The following RHBDD1 variants were observed in gnomAD, a reference collection of about 807,000 sequenced individuals.
The protein encoded by RHBDD1 is rhomboid domain containing 1, also known as rhomboid-related protein 4.
A neutral mutation model predicts 36.3 loss-of-function variants in RHBDD1; 38 were observed. That is an observed-to-expected ratio of 1.05 (90% confidence interval 0.81 to 1.37). RHBDD1 has a LOEUF of 1.37. RHBDD1 is among the 40% of genes most tolerant of loss of function. The pLI is 0.00. For missense variants in RHBDD1, 393 were observed against 377.6 expected (o/e 1.04, Z -0.34); for synonymous variants, 151 against 136.5 (o/e 1.11, Z -0.74).
intron 3 of RHBDD1, among the ~76,000 whole-genome samples, chr2:226,849,401 G>A (rs1288291003): frequency 1.3e-5 from 2 of 152,262 alleles, no homozygotes; most frequent in Non-Finnish European, 2.9e-5. Flanking sequence ...CATGGGCAGG[G>A]AGCTTGTCAG....
At chr2:226,851,226 C>G (rs1942783125) in intron 3 of RHBDD1, among the ~76,000 whole-genome samples, 1 of 152,022 alleles carries the variant, frequency 6.6e-6, no homozygotes, top group African/African-American at 2.4e-5. Context: ...CCATTTCTCT[C>G]TGTGTGTTTC....
At position 226,997,381 on chromosome 2, in the gene RHBDD1, A is replaced by G. The variant is rs954301363; in HGVS notation, c.*1859A>G. The G allele has an allele frequency of 2.6e-5, 4 of 152,224 alleles. No homozygotes were observed. Among genetic ancestry groups the G allele is most frequent in the African/African-American group, 4.8e-5 (2 of 41,454 alleles). The allele number at this position is 152,224 out of a possible 1,614,324, so 9.4% of individuals were successfully genotyped here. A position where few individuals can be genotyped will look rare whatever the true frequency, so the allele number is the denominator to read the frequency against. On this transcript the variant is annotated 3_prime_UTR_variant, in exon 9 of 9. Coordinates refer to ENST00000392062, the MANE Select transcript of RHBDD1 (RefSeq NM_001167608.3). ...TTTTATAGCATTTGGTAATTCTGCT[A>G]TAACACATCTTGCCCCTATTATTAA...
upstream of RHBDD1, among the ~76,000 whole-genome samples, chr2:226,831,936 G>A (rs915895706): frequency 3.4e-5 from 5 of 146,124 alleles, no homozygotes; most frequent in African/African-American, 1.0e-4. Context: ...CCAGTTTAAT[G>A]TTGGCTCATT....
the RHBDD1 span, among the ~76,000 whole-genome samples, chr2:226,822,350 T>C: frequency 2.0e-5 from 3 of 151,124 alleles, no homozygotes. Flanking sequence ...AAGAAAGAAA[T>C]GTGGCCAGGC....
intron 8 of RHBDD1, among the ~76,000 whole-genome samples, chr2:226,931,235 G>A (rs761344232): frequency 2.2e-4 from 33 of 151,926 alleles, no homozygotes; most frequent in African/African-American, 7.0e-4. Context: ...GCAAAGATAC[G>A]GAAACAAGTG....
chr2:226,815,813 C>T, the RHBDD1 span, among the ~76,000 whole-genome samples: 2 of 152,168 alleles, frequency 1.3e-5, no homozygotes, highest in Admixed American at 6.5e-5. Flanking sequence ...ATGGAATTTT[C>T]CAGTTCTTCA....
intron 5 of RHBDD1, chr2:226,895,840 G>A: frequency 1.0e-6 from 1 of 983,306 alleles, no homozygotes; most frequent in Non-Finnish European, 1.2e-6. Flanking sequence ...CCACCACATT[G>A]ATGAGAGAAG....
At chr2:226,826,494 T>C in the RHBDD1 span, among the ~76,000 whole-genome samples, 4 of 151,020 alleles carry the variant, frequency 2.6e-5, no homozygotes, top group African/African-American at 7.3e-5. Context: ...AGGATTCTCC[T>C]GGCTGTAGAA....
upstream of RHBDD1, among the ~76,000 whole-genome samples, chr2:226,834,853 T>C (rs759885047): frequency 5.3e-5 from 8 of 152,166 alleles, no homozygotes; most frequent in Non-Finnish European, 1.0e-4. Flanking sequence ...GCGATCTCAC[T>C]GCAACCTCTG....
chr2:226,941,858 A>G (rs1214907907), intron 8 of RHBDD1, among the ~76,000 whole-genome samples: 3 of 152,194 alleles, frequency 2.0e-5, no homozygotes, highest in Admixed American at 6.5e-5. Context: ...GTTAATGAGT[A>G]TTAGGTGGTA....
At chr2:226,913,368 T>G (rs771948076) in intron 7 of RHBDD1, among the ~76,000 whole-genome samples, 8 of 152,316 alleles carry the variant, frequency 5.3e-5, no homozygotes, top group Non-Finnish European at 1.0e-4. Context: ...ATTTTACTTC[T>G]CTCTCTTTAT....
At chr2:226,855,942 C>G (rs1943277623) in intron 3 of RHBDD1, among the ~76,000 whole-genome samples, 1 of 152,184 alleles carries the variant, frequency 6.6e-6, no homozygotes, top group Non-Finnish European at 1.5e-5. Context: ...GATCCCTACT[C>G]TAATTCCCTC....
intron 8 of RHBDD1, among the ~76,000 whole-genome samples, chr2:226,969,394 CTTT>C (rs77924848): frequency 2.6e-5 from 3 of 115,516 alleles, no homozygotes; most frequent in Admixed American, 1.9e-4. Flanking sequence ...ACAGCTCAGC[CTTT>C]TTTTTTTTTT....
chr2:226,852,936 T>TATC (rs1166198301), intron 3 of RHBDD1, among the ~76,000 whole-genome samples: 1 of 147,510 alleles, frequency 6.8e-6, no homozygotes, highest in Non-Finnish European at 1.5e-5. Flanking sequence ...TTATTATTAT[T>TATC]ATTATTATTA....
intron 5 of RHBDD1, among the ~76,000 whole-genome samples, chr2:226,893,421 T>C (rs13418913): frequency 0.19 from 28,403 of 152,174 alleles, 4,336 homozygotes; most frequent in African/African-American, 0.42. Flanking sequence ...TTTATTCTGC[T>C]ACAGTACAAT....
At chr2:226,932,335 T>A (rs1950075702) in intron 8 of RHBDD1, among the ~76,000 whole-genome samples, 1 of 152,174 alleles carries the variant, frequency 6.6e-6, no homozygotes, top group Non-Finnish European at 1.5e-5. Context: ...TTAGATGAAC[T>A]TAGCTGATAG....
chr2:226,974,376 T>TA lies in RHBDD1; in HGVS notation c.857-21054dup, dbSNP rs529781594. Among the ~76,000 whole-genome samples, 27 of 152,164 alleles carry TA rather than the reference T, an allele frequency of 1.8e-4. 1 individual carries two copies. In the South Asian group the frequency reaches 5.4e-3, roughly 30 times the overall value. The stretch of plus-strand genomic sequence containing the variant: ...CCTCAGCCTCCTGAGTAGCTGGAAT[T>TA]ACAGGCGCCCACCACTGGGCCTGGC... On this transcript the variant is annotated intron_variant, in intron 8 of 8. Transcript: ENST00000392062.
intron 8 of RHBDD1, among the ~76,000 whole-genome samples, chr2:226,948,173 T>A (rs1369294648): frequency 6.8e-6 from 1 of 146,210 alleles, no homozygotes; most frequent in Non-Finnish European, 1.5e-5. Context: ...AGCGCAAATG[T>A]CCAACAATGA....
intron 8 of RHBDD1, among the ~76,000 whole-genome samples, chr2:226,944,131 A>T (rs1950826263): frequency 6.6e-6 from 1 of 152,158 alleles, no homozygotes; most frequent in Admixed American, 6.5e-5. Flanking sequence ...TGGCAGATTC[A>T]ATCTAAACCA....
Sources: gnomAD v4.1 joint callset for allele counts (sites outside exome capture counted in the v4.1 genomes callset) on GRCh38, gnomAD v4.1.1 for gene constraint, MANE v1.5 for transcripts, NCBI Gene and HGNC (gene_info 2026-07-23, HGNC 2026-07-21) for gene names.